Variants in ARHGAP22 observed in about 807,000 individuals in gnomAD.
The protein encoded by ARHGAP22 is rho GTPase-activating protein 22.
Under a neutral mutation model 59.1 loss-of-function variants are expected in ARHGAP22, and 48 were observed. The ratio of observed to expected loss-of-function variants is 0.81; its 90% CI spans 0.64 to 1.03. The LOEUF (loss-of-function observed/expected upper bound fraction) is 1.03, where lower values mean the gene tolerates loss of function less well. Among genes scored for constraint, ARHGAP22 ranks in the 50% least tolerant of loss-of-function variants. ARHGAP22 has a pLI of 0.00. For missense variants in ARHGAP22, 1,015 were observed against 958.7 expected, an observed-to-expected ratio of 1.06 and a Z score of -0.78; for synonymous variants, 445 against 416.4, an observed-to-expected ratio of 1.07 and a Z score of -0.84.
intron 9 of ARHGAP22, among the ~76,000 whole-genome samples, chr10:48,447,966 C>A (rs1399343752): frequency 6.6e-6 from 1 of 151,820 alleles, no homozygotes; most frequent in Non-Finnish European, 1.5e-5. Context: ...TAGGGCCACA[C>A]CCCCCATAGG....
intron 8 of ARHGAP22, among the ~76,000 whole-genome samples, chr10:48,452,856 TTGC>T (rs142617965): frequency 0.098 from 14,916 of 152,290 alleles, 755 homozygotes; most frequent in Non-Finnish European, 0.11. Flanking sequence ...GCGGCTGCTG[TTGC>T]TGCTATTTTT....
At chr10:48,651,380 G>T (rs59338484) in intron 1 of ARHGAP22, among the ~76,000 whole-genome samples, 3,635 of 152,048 alleles carry the variant, frequency 0.024, 142 homozygotes, top group African/African-American at 0.083. Flanking sequence ...ATGCAGCCCA[G>T]CACCTGCACA....
chr10:48,624,761 C>A (rs533552646), intron 1 of ARHGAP22, among the ~76,000 whole-genome samples: 67 of 152,346 alleles, frequency 4.4e-4, no homozygotes, highest in African/African-American at 1.5e-3. Context: ...AGGAAAGCAG[C>A]ACAGGTTGGA....
At chr10:48,436,815 T>G in the ARHGAP22 span, 1 of 152,220 alleles carries the variant, frequency 6.6e-6, no homozygotes, top group South Asian at 2.1e-4. Context: ...CCTTTTCTAA[T>G]ACAACAAGGT....
At chr10:48,616,993 C>T (rs891043421) in intron 1 of ARHGAP22, among the ~76,000 whole-genome samples, 6 of 151,950 alleles carry the variant, frequency 3.9e-5, no homozygotes, top group Non-Finnish European at 7.4e-5. Flanking sequence ...CTATGTAAGA[C>T]AACAATTATA....
At chr10:48,650,720 C>T (rs949059411) in intron 1 of ARHGAP22, among the ~76,000 whole-genome samples, 5 of 152,148 alleles carry the variant, frequency 3.3e-5, no homozygotes, top group African/African-American at 1.2e-4. Flanking sequence ...GTGGCTGGAA[C>T]CTCCTACAAA....
At chr10:48,527,864 C>G (rs1048302501) in intron 3 of ARHGAP22, among the ~76,000 whole-genome samples, 1 of 152,202 alleles carries the variant, frequency 6.6e-6, no homozygotes, top group Admixed American at 6.5e-5. Flanking sequence ...GGACATGTTT[C>G]CCAGCAGGAA....
chr10:48,650,900 G>A (rs1210006117), intron 1 of ARHGAP22, among the ~76,000 whole-genome samples: 1 of 152,206 alleles, frequency 6.6e-6, no homozygotes. Flanking sequence ...TTGACAGTGT[G>A]AGAAGTGTCT....
At chr10:48,524,056 T>C in intron 3 of ARHGAP22, 2 of 1,477,504 alleles carry the variant, frequency 1.4e-6, no homozygotes. Context: ...GAGTTACCTT[T>C]GGGCGCTCGC....
chr10:48,555,205 T>C (rs1427361731), intron 3 of ARHGAP22, among the ~76,000 whole-genome samples: 3 of 152,236 alleles, frequency 2.0e-5, no homozygotes, highest in Non-Finnish European at 4.4e-5. Flanking sequence ...TTGACTAATT[T>C]CTTTCCTTGC....
intron 3 of ARHGAP22, among the ~76,000 whole-genome samples, chr10:48,511,225 G>GCA (rs2052732968): frequency 6.6e-6 from 1 of 152,194 alleles, no homozygotes; most frequent in South Asian, 2.1e-4. Context: ...CGCACATCCT[G>GCA]CACAAGTCCT....
chr10:48,463,863 G>T (rs1254087614), intron 4 of ARHGAP22, among the ~76,000 whole-genome samples: 1 of 152,148 alleles, frequency 6.6e-6, no homozygotes, highest in Non-Finnish European at 1.5e-5. Context: ...CTCCAGGGCC[G>T]CCACCCATCT....
intron 3 of ARHGAP22, among the ~76,000 whole-genome samples, chr10:48,531,910 G>A (rs577574920): frequency 6.6e-6 from 1 of 152,304 alleles, no homozygotes; most frequent in East Asian, 1.9e-4. Flanking sequence ...GACAAGCCCT[G>A]TGGAGTGCTG....
At chr10:48,516,049 AAAC>A (rs745803426) in intron 3 of ARHGAP22, among the ~76,000 whole-genome samples, 1 of 152,080 alleles carries the variant, frequency 6.6e-6, no homozygotes, top group South Asian at 2.1e-4. Context: ...AAAACTAGAA[AAAC>A]AATAGGAAAA....
At chr10:48,432,422 T>C in the ARHGAP22 span, among the ~76,000 whole-genome samples, 1 of 152,178 alleles carries the variant, frequency 6.6e-6, no homozygotes, top group Non-Finnish European at 1.5e-5. Flanking sequence ...TCTTCCAGAT[T>C]ATAGTGTAGA....
intron 1 of ARHGAP22, among the ~76,000 whole-genome samples, chr10:48,591,205 A>C (rs2059729980): frequency 6.6e-6 from 1 of 152,226 alleles, no homozygotes; most frequent in African/African-American, 2.4e-5. Context: ...AGACTCAAAA[A>C]GAAATGAAGC....
intron 3 of ARHGAP22, among the ~76,000 whole-genome samples, chr10:48,480,416 T>C (rs2134083446): frequency 6.6e-6 from 1 of 152,364 alleles, no homozygotes; most frequent in South Asian, 2.1e-4. Context: ...AGCAAATTGA[T>C]CTTTGGGAAA....
chr10:48,484,051 T>C (rs990850258), intron 3 of ARHGAP22, among the ~76,000 whole-genome samples: 2 of 152,250 alleles, frequency 1.3e-5, no homozygotes, highest in African/African-American at 2.4e-5. Flanking sequence ...AGTTGATTTC[T>C]GTACAGAGAA....
At chr10:48,466,398 C>G (rs915922733) in intron 4 of ARHGAP22, among the ~76,000 whole-genome samples, 1 of 151,998 alleles carries the variant, frequency 6.6e-6, no homozygotes, top group African/African-American at 2.4e-5. Context: ...GGGAACCGTC[C>G]CGCAGCACCA....
Sources: allele counts gnomAD v4.1 joint callset (sites outside exome capture counted in the v4.1 genomes callset), GRCh38; gene constraint gnomAD v4.1.1; transcripts MANE v1.5; gene names NCBI Gene and HGNC (gene_info 2026-07-23, HGNC 2026-07-21).